Variants in COL13A1 observed in about 807,000 individuals in gnomAD.
COL13A1 encodes the protein collagen alpha-1(XIII) chain.
A neutral mutation model predicts 130.9 loss-of-function variants in COL13A1; 89 were observed. The observed-to-expected ratio is 0.68, with a 90% CI of 0.57 to 0.81. COL13A1 has a LOEUF of 0.81. Ranked by LOEUF, COL13A1 falls within the 30% of genes least tolerant of loss-of-function variation. The pLI is 0.00. For synonymous variants in COL13A1, 402 were observed against 341.6 expected (o/e 1.18, Z -1.95); for missense variants, 879 against 934.6 (o/e 0.94, Z 0.78).
chr10:69,904,340 C>A (rs2062509836), intron 15 of COL13A1, among the ~76,000 whole-genome samples: 1 of 151,586 alleles, frequency 6.6e-6, no homozygotes, highest in Non-Finnish European at 1.5e-5. Context: ...TGTTTCTTAA[C>A]CCAATTGCAA....
intron 1 of COL13A1, among the ~76,000 whole-genome samples, chr10:69,802,933 C>G (rs1317123720): frequency 6.6e-6 from 1 of 152,218 alleles, no homozygotes; most frequent in Admixed American, 6.5e-5. Flanking sequence ...ACTCCCGCCT[C>G]GGGCAAGCGC....
chr10:69,941,161 C>A, intron 35 of COL13A1, 138 bp downstream of exon 35: 1 of 1,435,770 alleles, frequency 7.0e-7, no homozygotes, highest in Non-Finnish European at 9.6e-7. Flanking sequence ...AAAGGTGCCA[C>A]TGATGCTCTG....
At chr10:69,904,810 T>C (rs2062570049) in intron 15 of COL13A1, 123 bp from the exon 16 acceptor site, 2 of 1,039,726 alleles carry the variant, frequency 1.9e-6, no homozygotes, top group African/African-American at 3.2e-5. Flanking sequence ...ATAGCATGCC[T>C]ATTCTCTTGC....
intron 1 of COL13A1, among the ~76,000 whole-genome samples, chr10:69,803,375 C>T (rs1840587460): frequency 1.3e-5 from 2 of 152,184 alleles, no homozygotes; most frequent in South Asian, 2.1e-4. Context: ...TTTTTTGATC[C>T]AAGTAGATTA....
intron 17 of COL13A1, among the ~76,000 whole-genome samples, chr10:69,915,258 T>C (rs2063798104): frequency 1.3e-5 from 2 of 152,226 alleles, no homozygotes; most frequent in Admixed American, 1.3e-4. Flanking sequence ...ACATGGCAGC[T>C]GCAGTAAGTG....
chr10:69,861,847 T>C (rs1858185878), intron 2 of COL13A1, among the ~76,000 whole-genome samples: 1 of 152,232 alleles, frequency 6.6e-6, no homozygotes, highest in East Asian at 1.9e-4. Flanking sequence ...TGCTGCCCAC[T>C]TCTCCCAGGA....
chr10:69,892,285 C>T (rs2061254611), intron 10 of COL13A1, among the ~76,000 whole-genome samples: 1 of 152,168 alleles, frequency 6.6e-6, no homozygotes, highest in Admixed American at 6.6e-5. Flanking sequence ...GATGCTGTCC[C>T]CTCCACTGGC....
At chr10:69,938,319 G>C (rs941252554) in intron 34 of COL13A1, among the ~76,000 whole-genome samples, 9 of 152,180 alleles carry the variant, frequency 5.9e-5, no homozygotes, top group Admixed American at 2.0e-4. Flanking sequence ...GGGCTGGGCT[G>C]GATAGGGCTG....
chr10:69,930,334 TCTCTCTCC>T (rs2065944884), intron 29 of COL13A1, 58 bp from the exon 30 acceptor site: 7 of 1,447,802 alleles, frequency 4.8e-6, no homozygotes, highest in Middle Eastern at 1.8e-4. Flanking sequence ...ACTTTTCTAC[TCTCTCTCC>T]CTCTCTCCTC....
intron 1 of COL13A1, 112 bp downstream of exon 1, chr10:69,802,829 C>A: frequency 1.4e-6 from 2 of 1,401,752 alleles, no homozygotes; most frequent in Non-Finnish European, 2.0e-6. Context: ...GCCCCAGGTT[C>A]GCGCGAGTTG....
At chr10:69,909,292 A>G (rs1380054298) in intron 17 of COL13A1, among the ~76,000 whole-genome samples, 1 of 152,104 alleles carries the variant, frequency 6.6e-6, no homozygotes, top group African/African-American at 2.4e-5. Context: ...CTTGCCTCCC[A>G]ACCCTTCTGT....
At position 69,848,538 on chromosome 10, in the gene COL13A1, C is replaced by A. The variant is rs1589424024; in HGVS notation, c.365-19260C>A. 2.6e-5 allele frequency among the ~76,000 whole-genome samples: 4 copies of A among 152,250 alleles called. 2 individuals carry two copies. Among genetic ancestry groups the A allele is most frequent in the Admixed American group, 2.6e-4 (4 of 15,304 alleles). ...TCCAAAGCTCATCCCCGAGGATACCCCTGAGAAAACCTTCGATACAGAAGA... is the reference window on the plus strand; with the variant it reads ...TCCAAAGCTCATCCCCGAGGATACCACTGAGAAAACCTTCGATACAGAAGA... On this transcript the variant is annotated intron_variant, in intron 2 of 40. Coordinates refer to ENST00000645393, the MANE Select transcript of COL13A1 (RefSeq NM_001368882.1).
chr10:69,905,076 C>G, intron 16 of COL13A1, 117 bp downstream of exon 16: 2 of 1,208,646 alleles, frequency 1.7e-6, no homozygotes, highest in Non-Finnish European at 2.3e-6. Context: ...AGCTGAGAGA[C>G]AGATCAAGCT....
At chr10:69,938,336 T>A (rs997882067) in intron 34 of COL13A1, among the ~76,000 whole-genome samples, 4 of 152,090 alleles carry the variant, frequency 2.6e-5, no homozygotes, top group African/African-American at 9.7e-5. Context: ...GCTGATGGCC[T>A]CTTCACTGCC....
At chr10:69,887,363 G>A (rs1018060229) in intron 7 of COL13A1, 93 bp from the exon 8 acceptor site, 1 of 1,321,062 alleles carries the variant, frequency 7.6e-7, no homozygotes, top group Non-Finnish European at 1.1e-6. Context: ...CACAAAGTGA[G>A]AGGGATGGGA....
chr10:69,931,558 T>A, intron 30 of COL13A1, among the ~76,000 whole-genome samples: 1 of 152,178 alleles, frequency 6.6e-6, no homozygotes, highest in Non-Finnish European at 1.5e-5. Context: ...GGAAAGAGCC[T>A]CAGAGGTCAA....
At chr10:69,928,799 A>C (rs1041869845) in intron 27 of COL13A1, 138 bp from the exon 28 acceptor site, 14 of 575,984 alleles carry the variant, frequency 2.4e-5, no homozygotes, top group Non-Finnish European at 3.6e-5. Context: ...TTTCTTTGCA[A>C]AAAATGCATC....
chr10:69,881,852 C>T (rs1322381646), intron 7 of COL13A1, among the ~76,000 whole-genome samples: 1 of 152,246 alleles, frequency 6.6e-6, no homozygotes, highest in Non-Finnish European at 1.5e-5. Context: ...GAAACTGAGG[C>T]ACAGAGAGGC....
intron 27 of COL13A1, 135 bp downstream of exon 27, chr10:69,927,245 C>G: frequency 7.2e-7 from 1 of 1,389,214 alleles, no homozygotes; most frequent in Non-Finnish European, 1.0e-6. Flanking sequence ...CCCAACAGGG[C>G]TGGGGCAGAT....
Sources: allele counts gnomAD v4.1 joint callset (sites outside exome capture counted in the v4.1 genomes callset), GRCh38; gene constraint gnomAD v4.1.1; transcripts MANE v1.5; gene names NCBI Gene and HGNC (gene_info 2026-07-23, HGNC 2026-07-21).